DPP4: variants seen among roughly 807,000 people sequenced by gnomAD.
DPP4 encodes the protein dipeptidyl peptidase 4, also known as ADCP-2.
Under a neutral mutation model 122.4 loss-of-function variants are expected in DPP4, and 93 were observed. The observed-to-expected ratio is 0.76, with a 90% CI of 0.64 to 0.90. DPP4 has a LOEUF of 0.90. Ranked by LOEUF, DPP4 falls within the 40% of genes least tolerant of loss-of-function variation. DPP4 has a pLI of 0.00. For missense variants in DPP4, 914 were observed against 907.3 expected (o/e 1.01, Z -0.09); for synonymous variants, 321 against 302.9 (o/e 1.06, Z -0.62).
intron 16 of DPP4, chr2:162,017,375 G>C (rs537057257): frequency 3.8e-6 from 2 of 521,606 alleles, no homozygotes; most frequent in South Asian, 6.7e-5. Flanking sequence ...AAAGGCACAG[G>C]GCTCAGTAGA....
chr2:162,041,877 G>C (rs1683999555), intron 5 of DPP4, among the ~76,000 whole-genome samples: 1 of 152,156 alleles, frequency 6.6e-6, no homozygotes, highest in African/African-American at 2.4e-5. Flanking sequence ...GCTTATAGTG[G>C]AATGGAGGAT....
chr2:162,039,097 G>A (rs1683895864), intron 6 of DPP4, 35 bp downstream of exon 6: 2 of 1,611,442 alleles, frequency 1.2e-6, no homozygotes, highest in Non-Finnish European at 1.7e-6. Context: ...ATGACAGTAG[G>A]AAAGCCTAAT....
chr2:162,007,415 T>G (rs527255085), intron 22 of DPP4, among the ~76,000 whole-genome samples: 1 of 152,256 alleles, frequency 6.6e-6, no homozygotes, highest in African/African-American at 2.4e-5. Context: ...TAAAAAATAT[T>G]ATGCATAACT....
At position 161,995,298 on chromosome 2, in the gene DPP4, A is replaced by T; in HGVS notation, c.2125+2T>A. 1 of 1,613,242 alleles carries T rather than the reference A, an allele frequency of 6.2e-7. No homozygotes were observed. Among genetic ancestry groups the T allele is most frequent in the Non-Finnish European group, 8.5e-7 (1 of 1,179,278 alleles). On this transcript the variant is annotated splice_donor_variant, in intron 24 of 25. Coordinates refer to ENST00000360534, the MANE Select transcript of DPP4 (RefSeq NM_001935.4). LOFTEE classifies it high-confidence loss of function. Reference sequence around the variant, plus strand: ...TAAAAAGTCTAATTAACTGAAACTCACCATCTGCTGTTCCATGAATAAGGA... The same window carrying T: ...TAAAAAGTCTAATTAACTGAAACTCTCCATCTGCTGTTCCATGAATAAGGA...
intron 3 of DPP4, 78 bp downstream of exon 3, chr2:162,047,325 G>A: frequency 1.3e-6 from 1 of 789,728 alleles, no homozygotes. Context: ...CCTCTTCTCA[G>A]TGCCATAAAA....
chr2:162,052,528 C>A (rs1298127030), intron 2 of DPP4, among the ~76,000 whole-genome samples: 4 of 152,054 alleles, frequency 2.6e-5, no homozygotes, highest in African/African-American at 9.7e-5. Flanking sequence ...CATTTCTGTT[C>A]TTTAAAGGTT....
intron 2 of DPP4, among the ~76,000 whole-genome samples, chr2:162,054,625 G>T (rs1026289421): frequency 6.6e-6 from 1 of 152,100 alleles, no homozygotes; most frequent in Non-Finnish European, 1.5e-5. Context: ...AGGGCTGGAG[G>T]GAACTAGTCT....
Position 162,008,552 on chromosome 2 carries a change from A to G in DPP4, c.1987+10T>C, listed in dbSNP as rs769577567. 3.7e-6 allele frequency: 6 copies of G among 1,611,598 alleles called. No homozygotes were observed. Among genetic ancestry groups the G allele is most frequent in the Non-Finnish European group, 4.2e-6 (5 of 1,177,964 alleles). ...TCCGTATCTCTTTGTACCTGGCAGC[A>G]ATTACATACCATAGTACTCCCACCG... On this transcript the variant is annotated intron_variant, in intron 22 of 25. Coordinates refer to ENST00000360534, the MANE Select transcript of DPP4 (RefSeq NM_001935.4).
chr2:162,034,231 A>C (rs1323755418), intron 9 of DPP4, among the ~76,000 whole-genome samples: 1 of 152,158 alleles, frequency 6.6e-6, no homozygotes, highest in Non-Finnish European at 1.5e-5. Flanking sequence ...ACCTTTTTAA[A>C]TATACACATA....
In DPP4 at chr2:162,068,183, T is replaced by C. The variant is rs113939328; in HGVS notation, c.94+5216A>G. Among the ~76,000 whole-genome samples, 333 of 152,278 alleles carry C rather than the reference T, an allele frequency of 2.2e-3. 4 individuals are homozygous for C. Among genetic ancestry groups the C allele is most frequent in the African/African-American group, 7.7e-3 (320 of 41,554 alleles). On this transcript the variant is annotated intron_variant, in intron 2 of 25. Coordinates refer to ENST00000360534, the MANE Select transcript of DPP4 (RefSeq NM_001935.4). ...CAGTCATTGCCTATATACAGCTTTA[T>C]ATGAGAATGAAGGCAGCAGCAGTAG...
intron 10 of DPP4, among the ~76,000 whole-genome samples, chr2:162,029,506 C>T (rs551627431): frequency 6.6e-6 from 1 of 152,340 alleles, no homozygotes; most frequent in South Asian, 2.1e-4. Context: ...GATCTGAGGG[C>T]TGCAGCACCC....
intron 2 of DPP4, among the ~76,000 whole-genome samples, chr2:162,056,654 G>T (rs1684590759): frequency 6.6e-6 from 1 of 152,192 alleles, no homozygotes; most frequent in Non-Finnish European, 1.5e-5. Context: ...TTGCAGCAAG[G>T]ATGGTAATAG....
intron 16 of DPP4, 31 bp downstream of exon 16, chr2:162,018,681 GTGAGTAACAGCGGCGAC>G (rs1390854273): frequency 1.3e-6 from 2 of 1,594,810 alleles, no homozygotes; most frequent in South Asian, 2.3e-5. Context: ...CTGCTTCGAA[GTGAGTAACAGCGGCGAC>G]TGCCCTCCCT....
chr2:162,052,062 G>A (rs953870184), intron 2 of DPP4, among the ~76,000 whole-genome samples: 2 of 151,966 alleles, frequency 1.3e-5, no homozygotes, highest in Non-Finnish European at 2.9e-5. Context: ...GCTCACACCC[G>A]TAATCCTAGC....
intron 20 of DPP4, among the ~76,000 whole-genome samples, chr2:162,009,826 C>T (rs894617062): frequency 3.9e-5 from 6 of 152,012 alleles, no homozygotes; most frequent in African/African-American, 1.4e-4. Flanking sequence ...TAGCTCAGTA[C>T]CGTGCACTCA....
chr2:162,020,308 T>TTC lies in DPP4; in HGVS notation c.1177-13_1177-12insGA. 6.5e-7 allele frequency: 1 copy of TTC among 1,544,586 alleles called. No homozygotes were observed. ...ATAAATGTGCAGTCCTGATGGTTTT[T>TTC]TTTTTTTTTCAAAAAAAAAAAAAAG... On this transcript the variant is annotated splice_polypyrimidine_tract_variant and intron_variant, in intron 13 of 25. Transcript: ENST00000360534.
At chr2:162,050,375 G>A (rs941038619) in intron 2 of DPP4, among the ~76,000 whole-genome samples, 1 of 152,108 alleles carries the variant, frequency 6.6e-6, no homozygotes, top group Admixed American at 6.6e-5. Flanking sequence ...TCACATCTGT[G>A]AGCCGCTGCA....
chr2:161,997,483 T>C (rs894029308), intron 23 of DPP4, among the ~76,000 whole-genome samples: 1 of 152,210 alleles, frequency 6.6e-6, no homozygotes, highest in East Asian at 1.9e-4. Flanking sequence ...TATTTATCAA[T>C]TAAATGAGTA....
chr2:162,044,187 CAAT>C (rs1197729222), intron 5 of DPP4, among the ~76,000 whole-genome samples: 4 of 152,104 alleles, frequency 2.6e-5, no homozygotes, highest in African/African-American at 9.7e-5. Flanking sequence ...ATTAAACAAA[CAAT>C]AATCCATTAA....
Sources: allele counts gnomAD v4.1 joint callset (sites outside exome capture counted in the v4.1 genomes callset), GRCh38; gene constraint gnomAD v4.1.1; transcripts MANE v1.5; gene names NCBI Gene and HGNC (gene_info 2026-07-23, HGNC 2026-07-21).